Variants in DPP10 observed in about 807,000 individuals in gnomAD.
DPP10 encodes dipeptidyl peptidase like 10.
DPP10 carries 33 observed loss-of-function variants against 120.9 expected under a neutral mutation model. The ratio of observed to expected loss-of-function variants is 0.27; its 90% CI spans 0.21 to 0.37. The LOEUF (loss-of-function observed/expected upper bound fraction) is 0.37, where lower values mean the gene tolerates loss of function less well. Ranked by LOEUF, DPP10 falls within the 10% of genes least tolerant of loss-of-function variation. DPP10 has a pLI of 1.00. For synonymous variants in DPP10, 337 were observed against 326.1 expected (o/e 1.03, Z -0.36); for missense variants, 816 against 942.8 (o/e 0.87, Z 1.76).
chr2:114,442,664 T>C lies in DPP10; in HGVS notation c.-115T>C, dbSNP rs1291924708. The C allele has an allele frequency of 6.0e-6, 7 of 1,166,356 alleles. No individual in the cohort carries two copies. In the African/African-American group the frequency reaches 6.1e-5, roughly 10 times the overall value. 72.3% of individuals were successfully genotyped at this position (1,166,356 alleles called of 1,614,324 possible). ...ACAGAAGCAGCAGAAGCAACAGCAGTAGCAGCGGCAGCAGCAACAGCAGCA... is the reference window on the plus strand; with the variant it reads ...ACAGAAGCAGCAGAAGCAACAGCAGCAGCAGCGGCAGCAGCAACAGCAGCA... On this transcript the variant is annotated 5_prime_UTR_variant, in exon 1 of 26. Transcript: ENST00000410059.
At chr2:115,297,768 A>C (rs1284138716) in intron 1 of DPP10, among the ~76,000 whole-genome samples, 1 of 152,078 alleles carries the variant, frequency 6.6e-6, no homozygotes, top group Non-Finnish European at 1.5e-5. Flanking sequence ...GGCAGAATGT[A>C]GCAGAAGATT....
At chr2:114,960,312 A>G (rs546215558) in intron 1 of DPP10, among the ~76,000 whole-genome samples, 1 of 151,304 alleles carries the variant, frequency 6.6e-6, no homozygotes, top group African/African-American at 2.4e-5. Context: ...ATGATAGAGG[A>G]ATATGAATTT....
At chr2:115,186,422 A>G (rs1262139798) in intron 1 of DPP10, among the ~76,000 whole-genome samples, 1 of 152,206 alleles carries the variant, frequency 6.6e-6, no homozygotes, top group Admixed American at 6.5e-5. Context: ...ACAGAGCAGC[A>G]CAGTGATTTT....
intron 1 of DPP10, among the ~76,000 whole-genome samples, chr2:114,888,943 A>T (rs1392926444): frequency 1.3e-5 from 2 of 152,142 alleles, no homozygotes; most frequent in Non-Finnish European, 1.5e-5. Flanking sequence ...AACCCTCAAT[A>T]CTTCAGAATG....
At chr2:115,330,999 C>A (rs2062693495) in intron 2 of DPP10, among the ~76,000 whole-genome samples, 1 of 152,126 alleles carries the variant, frequency 6.6e-6, no homozygotes, top group Non-Finnish European at 1.5e-5. Flanking sequence ...GGCATTGAAT[C>A]TATAAATTAC....
At chr2:114,776,932 A>G (rs1242013546) in intron 1 of DPP10, among the ~76,000 whole-genome samples, 1 of 152,110 alleles carries the variant, frequency 6.6e-6, no homozygotes, top group Non-Finnish European at 1.5e-5. Context: ...TCATAATTAA[A>G]AAAAAGAAGG....
intron 1 of DPP10, among the ~76,000 whole-genome samples, chr2:114,497,676 A>G (rs951452156): frequency 6.6e-6 from 1 of 152,176 alleles, no homozygotes; most frequent in African/African-American, 2.4e-5. Flanking sequence ...TCGAAAATGA[A>G]AACAATCAGA....
chr2:114,631,330 C>T (rs572245853), intron 1 of DPP10, among the ~76,000 whole-genome samples: 2 of 152,036 alleles, frequency 1.3e-5, no homozygotes, highest in African/African-American at 2.4e-5. Flanking sequence ...TGCCTCCTTC[C>T]GAGACAGCAC....
intron 5 of DPP10, among the ~76,000 whole-genome samples, chr2:115,608,309 G>C (rs1419160728): frequency 6.6e-6 from 1 of 152,102 alleles, no homozygotes; most frequent in African/African-American, 2.4e-5. Context: ...AGAATTGCTT[G>C]TATCTGGGAA....
intron 1 of DPP10, among the ~76,000 whole-genome samples, chr2:114,636,345 A>G (rs1297358263): frequency 2.0e-5 from 3 of 151,994 alleles, no homozygotes; most frequent in East Asian, 1.9e-4. Flanking sequence ...GAACATTCTT[A>G]TATAACATTG....
intron 1 of DPP10, among the ~76,000 whole-genome samples, chr2:114,681,139 GT>G (rs1699000588): frequency 6.6e-6 from 1 of 151,822 alleles, no homozygotes; most frequent in Non-Finnish European, 1.5e-5. Context: ...TTTTTCTGAA[GT>G]CTTTTTCAAT....
chr2:115,671,054 T>A (rs1353727767), intron 5 of DPP10, among the ~76,000 whole-genome samples: 1 of 152,060 alleles, frequency 6.6e-6, no homozygotes, highest in Non-Finnish European at 1.5e-5. Context: ...ATTCAGGGCA[T>A]GTCTAAAAAA....
intron 1 of DPP10, among the ~76,000 whole-genome samples, chr2:114,942,298 C>CATATGTATATATATATATATATATATAT (rs1696972077): frequency 9.6e-6 from 1 of 104,702 alleles, no homozygotes. Context: ...TATATATATA[C>CATATGTATATATATATATATATATATAT]ATATATATAT....
chr2:114,908,350 G>A (rs1694125923), intron 1 of DPP10, among the ~76,000 whole-genome samples: 1 of 151,584 alleles, frequency 6.6e-6, no homozygotes, highest in African/African-American at 2.4e-5. Flanking sequence ...GTTTTCTTTT[G>A]GTATTGTATG....
At chr2:114,625,284 A>G (rs1268295886) in intron 1 of DPP10, among the ~76,000 whole-genome samples, 2 of 151,982 alleles carry the variant, frequency 1.3e-5, no homozygotes, top group Non-Finnish European at 2.9e-5. Context: ...GTCTTTAACA[A>G]GATCTTCTAG....
At chr2:115,462,362 A>G (rs1246242014) in intron 3 of DPP10, among the ~76,000 whole-genome samples, 1 of 152,128 alleles carries the variant, frequency 6.6e-6, no homozygotes, top group Non-Finnish European at 1.5e-5. Context: ...CTGCTTTTCT[A>G]CAATTAATAC....
intron 1 of DPP10, among the ~76,000 whole-genome samples, chr2:115,227,853 T>A (rs554143540): frequency 9.9e-5 from 15 of 152,104 alleles, no homozygotes; most frequent in Admixed American, 2.0e-4. Flanking sequence ...ATTAATTATT[T>A]ATTTATATTA....
At chr2:115,495,416 C>T (rs2076345526) in intron 3 of DPP10, among the ~76,000 whole-genome samples, 1 of 126,210 alleles carries the variant, frequency 7.9e-6, no homozygotes, top group African/African-American at 2.9e-5. Context: ...ACGTTAAGTT[C>T]ATAAACAAGA....
At chr2:115,655,374 C>T (rs563630745) in intron 5 of DPP10, among the ~76,000 whole-genome samples, 27 of 151,704 alleles carry the variant, frequency 1.8e-4, no homozygotes, top group African/African-American at 6.3e-4. Flanking sequence ...ATACCTAGTG[C>T]ACATGTGTCA....
Sources: allele counts gnomAD v4.1 joint callset (sites outside exome capture counted in the v4.1 genomes callset), GRCh38; gene constraint gnomAD v4.1.1; transcripts MANE v1.5; gene names NCBI Gene and HGNC (gene_info 2026-07-23, HGNC 2026-07-21).